The following APBA3 variants were observed in gnomAD, a reference collection of about 807,000 sequenced individuals.
APBA3 encodes the protein amyloid-beta A4 precursor protein-binding family A member 3.
A neutral mutation model predicts 55.9 loss-of-function variants in APBA3; 45 were observed. That is an observed-to-expected ratio of 0.80 (90% CI 0.63 to 1.03). The LOEUF (loss-of-function observed/expected upper bound fraction) is 1.03. Ranked by LOEUF, APBA3 falls within the 50% of genes least tolerant of loss-of-function variation. The probability of loss-of-function intolerance (pLI) is 0.00; values close to 1 mark genes in which losing one functional copy is unlikely to be tolerated. For missense variants in APBA3, 865 were observed against 820.3 expected (o/e 1.05, Z -0.67); for synonymous variants, 370 against 353.3 (o/e 1.05, Z -0.53).
intron 3 of APBA3, chr19:3,755,486 C>T (rs1308573433): frequency 6.7e-6 from 1 of 149,310 alleles, no homozygotes; most frequent in African/African-American, 2.5e-5. Context: ...CCAACCCAGC[C>T]CAGAACTACA....
chr19:3,751,539 C>G lies in APBA3; in HGVS notation c.1410G>C (p.Gln470His). ...GGACGATGCTGAGTGTCACCGACGT[C>G]TGCGACTTCGTCTCCTGTGGGGCGG... ...CQAAVRETKS[Q>H]TSVTLSIVHC... The change falls in exon 9 of 11, where the codon CAG (glutamine) becomes CAC (histidine). Residue 470 changes from glutamine (Q) to histidine (H), a missense_variant. Physicochemically the swap from Gln to His is conservative, Grantham distance 24. Coordinates refer to ENST00000316757, the MANE Select transcript of APBA3 (RefSeq NM_004886.4). 1 of 1,590,584 alleles carries G rather than the reference C, an allele frequency of 6.3e-7. No individual in the cohort carries two copies. Among genetic ancestry groups the G allele is most frequent in the Non-Finnish European group, 8.5e-7 (1 of 1,171,974 alleles).
At position 3,751,562 on chromosome 19, in the gene APBA3, C is replaced by G; in HGVS notation, c.1396-9G>C. On this transcript the variant is annotated splice_polypyrimidine_tract_variant and intron_variant, in intron 8 of 10. Transcript: ENST00000316757. ...GTCTGCGACTTCGTCTCCTGTGGGG[C>G]GGGGGCCGTTGGCCTCACTCAGCTG... 1 of 1,581,308 alleles carries G rather than the reference C, an allele frequency of 6.3e-7. No homozygotes were observed. Among genetic ancestry groups the G allele is most frequent in the Non-Finnish European group, 8.6e-7 (1 of 1,168,872 alleles).
At chr19:3,751,141 CGTGGGGGA>C (rs2036993147) in intron 10 of APBA3, 40 bp downstream of exon 10, 2 of 1,555,392 alleles carry the variant, frequency 1.3e-6, no homozygotes, top group African/African-American at 2.7e-5. Context: ...GGCCTGGGCT[CGTGGGGGA>C]CGTGGGGGCG....
rs751734796 is a variant in APBA3, at chr19:3,760,028, G to T, written c.237C>A (p.Ala79=). ...CTGTGGCAATGTGTAGGGGACAGGG[G>T]GCTCCACCTGGGGATGGGCCCACCA... ...GDLVGPSPGG[A]PCPLHIATGH... Residue 79 remains alanine, a synonymous_variant, in exon 2 of 11, where the codon GCC becomes GCA. Transcript: ENST00000316757. 35 of 1,613,226 alleles carry T rather than the reference G, an allele frequency of 2.2e-5. No homozygotes were observed. The East Asian group carries it at 7.4e-4, about 34-fold the overall frequency.
intron 6 of APBA3, 99 bp from the exon 7 acceptor site, chr19:3,753,089 C>T (rs968285797): frequency 1.4e-6 from 2 of 1,387,560 alleles, no homozygotes; most frequent in Admixed American, 2.2e-5. Flanking sequence ...CTGTCCCCAC[C>T]TGGGGTGAGA....
Position 3,750,995 on chromosome 19 carries a change from A to G in APBA3, c.*31T>C, listed in dbSNP as rs2036989380. Reference sequence around the variant, plus strand: ...ATGGGGCTCCGGGGCCATGGAGGCGAAGGCACAGTGGCAGGCAAGGGATGA... The same window carrying G: ...ATGGGGCTCCGGGGCCATGGAGGCGGAGGCACAGTGGCAGGCAAGGGATGA... On this transcript the variant is annotated 3_prime_UTR_variant, in exon 11 of 11. Transcript: ENST00000316757. The G allele has an allele frequency of 6.4e-7, 1 of 1,551,832 alleles. No individual in the cohort carries two copies. Among genetic ancestry groups the G allele is most frequent in the Non-Finnish European group, 8.7e-7 (1 of 1,146,174 alleles).
intron 1 of APBA3, among the ~76,000 whole-genome samples, 158 bp downstream of exon 1, chr19:3,761,378 G>A (rs1053662827): frequency 1.3e-5 from 2 of 152,070 alleles, no homozygotes; most frequent in Admixed American, 6.6e-5. Flanking sequence ...GCCATAAGGC[G>A]GACCCCAGTC....
chr19:3,752,086 C>T (rs2037013101), intron 8 of APBA3, among the ~76,000 whole-genome samples: 1 of 152,172 alleles, frequency 6.6e-6, no homozygotes, highest in Non-Finnish European at 1.5e-5. Context: ...TGGTGGTGCA[C>T]ACCTGTGGTC....
chr19:3,759,571 G>A lies in APBA3; in HGVS notation c.606C>T (p.Ala202=), dbSNP rs1471793692. Residue 202 remains alanine, a synonymous_variant, in exon 3 of 11, where the codon GCC becomes GCT. Transcript: ENST00000316757. ...GGGCGGGACACTCACCCTCCTGGGG[G>A]GCAGGGTAGGAAGCCAGGGTCTCGG... ...QSPETLASYP[A]PQEVPGPCDH... 1 of 1,599,536 alleles carries A rather than the reference G, an allele frequency of 6.3e-7. No homozygotes were observed. Among genetic ancestry groups the A allele is most frequent in the Non-Finnish European group, 8.5e-7 (1 of 1,174,568 alleles).
intron 3 of APBA3, among the ~76,000 whole-genome samples, chr19:3,758,141 G>A (rs937152963): frequency 1.3e-5 from 2 of 152,064 alleles, no homozygotes; most frequent in African/African-American, 2.4e-5. Flanking sequence ...CACCAATGTT[G>A]GCCAGGCTGG....
Position 3,751,492 on chromosome 19 carries a change from G to A in APBA3, c.1457C>T (p.Ala486Val), listed in dbSNP as rs1378349029. The A allele has an allele frequency of 1.1e-5, 17 of 1,579,290 alleles. No individual in the cohort carries two copies. Among genetic ancestry groups the A allele is most frequent in the South Asian group, 4.6e-5 (4 of 86,848 alleles). The change falls in exon 9 of 11, where the codon GCC (alanine) becomes GTC (valine). Residue 486 changes from alanine to valine, a missense_variant. Ala to Val is a moderately conservative substitution (Grantham distance 64). Transcript: ENST00000316757. The part of the protein sequence containing the change: ...SIVHCPPVTT[A>V]IIHRPHAREQ... Reference sequence around the variant, plus strand: ...GCGGGCGTGGGGCCGGTGGATGATGGCGGTGGTGACGGGAGGGCAGTGGAC... The same window carrying A: ...GCGGGCGTGGGGCCGGTGGATGATGACGGTGGTGACGGGAGGGCAGTGGAC...
intron 1 of APBA3, 130 bp from the exon 2 acceptor site, chr19:3,760,431 C>T: frequency 1.7e-6 from 1 of 603,918 alleles, no homozygotes; most frequent in South Asian, 2.3e-5. Flanking sequence ...GGCAACAGAG[C>T]AAGACCCTCT....
chr19:3,753,159 T>C, intron 6 of APBA3, 169 bp from the exon 7 acceptor site: 1 of 731,108 alleles, frequency 1.4e-6, no homozygotes, highest in Non-Finnish European at 2.2e-6. Flanking sequence ...CAGCCGCATC[T>C]TGGGGAATCT....
intron 6 of APBA3, 142 bp downstream of exon 6, chr19:3,753,623 G>C: frequency 1.2e-6 from 1 of 858,780 alleles, no homozygotes; most frequent in Non-Finnish European, 1.7e-6. Flanking sequence ...TCCAGCCTGG[G>C]TGACAGAAGG....
intron 3 of APBA3, 147 bp from the exon 4 acceptor site, chr19:3,754,487 C>A: frequency 9.2e-7 from 1 of 1,088,564 alleles, no homozygotes; most frequent in Non-Finnish European, 1.3e-6. Flanking sequence ...GCCCACTGTT[C>A]TAGAACCATC....
chr19:3,759,074 A>G (rs1427727606), intron 3 of APBA3, among the ~76,000 whole-genome samples: 3 of 144,722 alleles, frequency 2.1e-5, no homozygotes, highest in Admixed American at 6.8e-5. Flanking sequence ...TAAATACGAA[A>G]TAAAATTAGC....
At position 3,751,343 on chromosome 19, in the gene APBA3, G is replaced by A. The variant is rs569266210; in HGVS notation, c.1516-14C>T. 436 of 1,525,060 alleles carry A rather than the reference G, an allele frequency of 2.9e-4. 2 individuals carry two copies. Among genetic ancestry groups the A allele is most frequent in the Middle Eastern group, 4.6e-4 (2 of 4,390 alleles). 94.5% of individuals were successfully genotyped at this position (1,525,060 alleles called of 1,614,324 possible). On this transcript the variant is annotated splice_polypyrimidine_tract_variant and intron_variant, in intron 9 of 10. Coordinates refer to ENST00000316757, the MANE Select transcript of APBA3 (RefSeq NM_004886.4). The stretch of plus-strand genomic sequence containing the variant: ...GAGGCTGCAGATCTGGGGGAGAAAA[G>A]AGGGGGACGGGAAAGAGGTGGGGGC...
chr19:3,754,320 C>T lies in APBA3; in HGVS notation c.637G>A (p.Glu213Lys). ...PQEVPGPCDHEDLLDGVIFGA... is the reference protein window; with the variant it reads ...PQEVPGPCDHKDLLDGVIFGA... Reference sequence around the variant, plus strand: ...AATATGACACCGTCCAGGAGGTCTTCATGGTCACAGGGACCAGGCACTGAG... The same window carrying T: ...AATATGACACCGTCCAGGAGGTCTTTATGGTCACAGGGACCAGGCACTGAG... Residue 213 changes from glutamate to lysine, a missense_variant, in exon 4 of 11, where the codon GAA (glutamate) becomes AAA (lysine). Coordinates refer to ENST00000316757, the MANE Select transcript of APBA3 (RefSeq NM_004886.4). 1 of 1,558,818 alleles carries T rather than the reference C, an allele frequency of 6.4e-7. No homozygotes were observed. The highest frequency in any genetic ancestry group is 1.2e-5 in the South Asian group (1 of 84,144).
chr19:3,760,916 A>C (rs1045428038), intron 1 of APBA3, among the ~76,000 whole-genome samples: 2 of 152,142 alleles, frequency 1.3e-5, no homozygotes, highest in Non-Finnish European at 2.9e-5. Flanking sequence ...CTGTCTTAAA[A>C]AAAACAAACA....
Sources: gnomAD v4.1 joint callset for allele counts (sites outside exome capture counted in the v4.1 genomes callset) on GRCh38, gnomAD v4.1.1 for gene constraint, MANE v1.5 for transcripts, NCBI Gene and HGNC (gene_info 2026-07-23, HGNC 2026-07-21) for gene names.